The following HEG1 variants were observed in gnomAD, a reference collection of about 807,000 sequenced individuals.
HEG1 encodes the protein protein HEG homolog 1.
A neutral mutation model predicts 125.6 loss-of-function variants in HEG1; 56 were observed. The ratio of observed to expected loss-of-function variants is 0.45; its 90% CI spans 0.36 to 0.56. The LOEUF (loss-of-function observed/expected upper bound fraction) is 0.56, where lower values mean the gene tolerates loss of function less well. Ranked by LOEUF, HEG1 falls within the 20% of genes least tolerant of loss-of-function variation. The probability of loss-of-function intolerance (pLI) is 0.00; values close to 1 mark genes in which losing one functional copy is unlikely to be tolerated. For missense variants in HEG1, 1,523 were observed against 1,670.0 expected (o/e 0.91, Z 1.53); for synonymous variants, 644 against 668.5 (o/e 0.96, Z 0.57).
At chr3:124,993,037 G>T (rs1936857790) in intron 12 of HEG1, among the ~76,000 whole-genome samples, 1 of 152,176 alleles carries the variant, frequency 6.6e-6, no homozygotes, top group Non-Finnish European at 1.5e-5. Flanking sequence ...CAGAGAAATT[G>T]CTCTTGGCCC....
intron 9 of HEG1, among the ~76,000 whole-genome samples, chr3:125,004,088 C>T (rs1255893138): frequency 7.2e-5 from 11 of 152,100 alleles, no homozygotes; most frequent in Admixed American, 1.3e-4. Context: ...CCAGACCTCC[C>T]GGGGTTCTAT....
rs1936298349 is a variant in HEG1 at position 124,965,761 on chromosome 3, T to C, written c.*4891A>G. On this transcript the variant is annotated 3_prime_UTR_variant, in exon 17 of 17. Transcript: ENST00000311127. ...CATTTTACTGACTAGAACGCCAGACTTAGAGTGGATATAAGTATAAAAATA... is the reference window on the plus strand; with the variant it reads ...CATTTTACTGACTAGAACGCCAGACCTAGAGTGGATATAAGTATAAAAATA... 6.6e-6 allele frequency: 1 copy of C among 152,228 alleles called. No homozygotes were observed. The highest frequency in any genetic ancestry group is 6.5e-5 in the Admixed American group (1 of 15,284). 9.4% of individuals were successfully genotyped at this position (152,228 alleles called of 1,614,324 possible). A position where few individuals can be genotyped will look rare whatever the true frequency, so the allele number is the denominator to read the frequency against.
In HEG1 at chr3:124,967,819, C is replaced by T. The variant is rs1044108657; in HGVS notation, c.*2833G>A. ...CATGGTAGGAGCATGTCAGTTCATCCGCCTAAAGAAACAGACTCCAGGGCC... is the reference window on the plus strand; with the variant it reads ...CATGGTAGGAGCATGTCAGTTCATCTGCCTAAAGAAACAGACTCCAGGGCC... On this transcript the variant is annotated 3_prime_UTR_variant, in exon 17 of 17. Transcript: ENST00000311127. 18 of 152,192 alleles carry T rather than the reference C, an allele frequency of 1.2e-4. No homozygotes were observed. The highest frequency in any genetic ancestry group is 3.4e-4 in the African/African-American group (14 of 41,436). The allele number at this position is 152,192 out of a possible 1,614,324, so 9.4% of individuals were successfully genotyped here.
rs1027516586 is a variant in HEG1 at position 125,047,431 on chromosome 3, G to T, written c.316+8144C>A. ...CCATTTGACAGATGATAAACTGACC[G>T]CACAGAGAGGCTAAATAACCTACCA... On this transcript the variant is annotated intron_variant, in intron 1 of 16. Coordinates refer to ENST00000311127, the MANE Select transcript of HEG1 (RefSeq NM_020733.2). Among the ~76,000 whole-genome samples, 3 of 152,162 alleles carry T rather than the reference G, an allele frequency of 2.0e-5. No homozygotes were observed. In the East Asian group the frequency reaches 5.8e-4, roughly 29 times the overall value.
At position 125,055,630 on chromosome 3, in the gene HEG1, T is replaced by C. The variant is rs1937920132; in HGVS notation, c.261A>G (p.Pro87=). The change falls in exon 1 of 17, where the codon CCA becomes CCG. Residue 87 remains proline (P), a synonymous_variant. Coordinates refer to ENST00000311127, the MANE Select transcript of HEG1 (RefSeq NM_020733.2). ...AGGGTCCCCGCTGTGTCGCGGCGCC[T>C]GGCTCAGGGGCCCTGTAGCTGGGGC... ...TPGPSYRAPE[P]GAATQRGPSG... The C allele has an allele frequency of 2.5e-6, 3 of 1,200,130 alleles. No individual in the cohort carries two copies. The East Asian group carries it at 1.0e-4, about 41-fold the overall frequency. 74.3% of individuals were successfully genotyped at this position (1,200,130 alleles called of 1,614,324 possible). A position where few individuals can be genotyped will look rare whatever the true frequency, so the allele number is the denominator to read the frequency against.
rs575293988 is a variant in HEG1, at chr3:124,983,203, C to T, written c.3734-5257G>A. On this transcript the variant is annotated intron_variant, in intron 14 of 16. Transcript: ENST00000311127. Reference sequence around the variant, plus strand: ...TCCAGGAGAACCTTAGCCAACCTTCCTTTAAGATTCTTGAACACATTACAG... The same window carrying T: ...TCCAGGAGAACCTTAGCCAACCTTCTTTTAAGATTCTTGAACACATTACAG... 1.6e-4 allele frequency among the ~76,000 whole-genome samples: 25 copies of T among 152,320 alleles called. No homozygotes were observed. In the East Asian group the frequency reaches 4.4e-3, roughly 27 times the overall value.
intron 8 of HEG1, among the ~76,000 whole-genome samples, chr3:125,006,699 T>C (rs972948031): frequency 3.3e-5 from 5 of 152,234 alleles, no homozygotes; most frequent in African/African-American, 9.6e-5. Context: ...CAGCATGCTC[T>C]AATTTGCATG....
intron 13 of HEG1, 55 bp from the exon 14 acceptor site, chr3:124,990,879 T>G: frequency 6.4e-7 from 1 of 1,553,642 alleles, no homozygotes; most frequent in Non-Finnish European, 8.7e-7. Context: ...TCAAAAGAAA[T>G]AAGTGAGGCA....
intron 14 of HEG1, among the ~76,000 whole-genome samples, chr3:124,984,840 G>T (rs1351442113): frequency 6.6e-6 from 1 of 152,074 alleles, no homozygotes; most frequent in Non-Finnish European, 1.5e-5. Flanking sequence ...TAGATGACAG[G>T]AATATTTTAA....
chr3:125,019,165 G>T, intron 5 of HEG1, 97 bp downstream of exon 5: 2 of 1,010,332 alleles, frequency 2.0e-6, no homozygotes, highest in Non-Finnish European at 3.0e-6. Context: ...ACCACGCTAG[G>T]CCCTCATGCG....
intron 5 of HEG1, among the ~76,000 whole-genome samples, chr3:125,017,776 T>A (rs1230127585): frequency 1.3e-5 from 2 of 151,524 alleles, no homozygotes; most frequent in African/African-American, 4.9e-5. Context: ...ATCCCAGCAC[T>A]TTGGGAGGCT....
intron 1 of HEG1, among the ~76,000 whole-genome samples, chr3:125,051,515 C>T (rs182439098): frequency 2.6e-5 from 4 of 152,370 alleles, no homozygotes; most frequent in African/African-American, 9.6e-5. Flanking sequence ...CTCCAGGCTA[C>T]TGTTTCCAGA....
intron 12 of HEG1, among the ~76,000 whole-genome samples, chr3:124,996,901 A>G (rs1936931843): frequency 6.6e-6 from 1 of 152,218 alleles, no homozygotes; most frequent in Admixed American, 6.5e-5. Context: ...TTTATAAGTC[A>G]GGGTGCGTGG....
chr3:125,048,963 G>A (rs1177640600), intron 1 of HEG1, among the ~76,000 whole-genome samples: 6 of 152,174 alleles, frequency 3.9e-5, no homozygotes, highest in South Asian at 2.1e-4. Flanking sequence ...GCTAACTGCC[G>A]ACATGGGAAG....
In HEG1 at chr3:125,013,268, G is replaced by A; in HGVS notation, c.2311C>T (p.His771Tyr). 2 of 1,614,010 alleles carry A rather than the reference G, an allele frequency of 1.2e-6. No homozygotes were observed. Among genetic ancestry groups the A allele is most frequent in the Non-Finnish European group, 1.7e-6 (2 of 1,179,884 alleles). ...STMTSFMTML[H>Y]SSQTADLKSQ... The stretch of plus-strand genomic sequence containing the variant: ...TTAAGGTCTGCAGTTTGACTACTAT[G>A]GAGCATTGTCATGAATGATGTCATT... Residue 771 changes from histidine (H) to tyrosine (Y), a missense_variant, in exon 6 of 17, where the codon CAT becomes TAT. His to Tyr is a moderately conservative substitution (Grantham distance 83). Transcript: ENST00000311127.
intron 1 of HEG1, among the ~76,000 whole-genome samples, chr3:125,046,394 C>T (rs979289012): frequency 6.5e-5 from 5 of 77,460 alleles, no homozygotes; most frequent in African/African-American, 9.0e-5. Flanking sequence ...TATATATATA[C>T]ACATACACAC....
Position 125,012,625 on chromosome 3 carries a change from G to C in HEG1, c.2954C>G (p.Ser985Ter), listed in dbSNP as rs769266605. 2 of 1,611,890 alleles carry C rather than the reference G, an allele frequency of 1.2e-6. No homozygotes were observed. The highest frequency in any genetic ancestry group is 8.5e-7 in the Non-Finnish European group (1 of 1,178,838). Reference sequence around the variant, plus strand: ...GTGCTTGTGTGACTGTGTTTTACCTGAGGCTGAAGAGGACACTGTTGTTGG... The same window carrying C: ...GTGCTTGTGTGACTGTGTTTTACCTCAGGCTGAAGAGGACACTGTTGTTGG... ...QSPTTVSSSA[S>*]VNSCAVNPCL... Residue 985 changes from serine (S) to a stop codon, truncating the protein, a stop_gained and splice_region_variant, in exon 6 of 17, where the codon TCA becomes TGA. Transcript: ENST00000311127. LOFTEE classifies it high-confidence loss of function.
intron 5 of HEG1, chr3:125,015,120 C>T: frequency 1.6e-6 from 1 of 642,590 alleles, no homozygotes. Context: ...CTCCCCTGTA[C>T]TTTTAGGGTC....
At chr3:125,021,318 A>G (rs748248393) in intron 3 of HEG1, among the ~76,000 whole-genome samples, 188 bp from the exon 4 acceptor site, 3 of 152,014 alleles carry the variant, frequency 2.0e-5, no homozygotes, top group Non-Finnish European at 4.4e-5. Flanking sequence ...TCCCCTTACT[A>G]GGTCTAATCC....
Sources: gnomAD v4.1 joint callset for allele counts (sites outside exome capture counted in the v4.1 genomes callset) on GRCh38, gnomAD v4.1.1 for gene constraint, MANE v1.5 for transcripts, NCBI Gene and HGNC (gene_info 2026-07-23, HGNC 2026-07-21) for gene names.